FAM117B: variants seen among roughly 807,000 people sequenced by gnomAD.
FAM117B encodes the protein family with sequence similarity 117 member B.
Under a neutral mutation model 52.8 loss-of-function variants are expected in FAM117B, and 22 were observed. That is an observed-to-expected ratio of 0.42 (90% confidence interval 0.30 to 0.59). The LOEUF (loss-of-function observed/expected upper bound fraction) is 0.59, where lower values mean the gene tolerates loss of function less well. Ranked by LOEUF, FAM117B falls within the 20% of genes least tolerant of loss-of-function variation. The probability of loss-of-function intolerance (pLI) is 0.22; values close to 1 mark genes in which losing one functional copy is unlikely to be tolerated. For synonymous variants in FAM117B, 309 were observed against 324.1 expected, an observed-to-expected ratio of 0.95 and a Z score of 0.50; for missense variants, 678 against 802.6, an observed-to-expected ratio of 0.84 and a Z score of 1.88.
At chr2:202,741,541 A>T (rs1691538447) in intron 4 of FAM117B, among the ~76,000 whole-genome samples, 1 of 149,128 alleles carries the variant, frequency 6.7e-6, no homozygotes, top group African/African-American at 2.5e-5. Flanking sequence ...AATGAAAAAA[A>T]ATTTTTTTTT....
intron 1 of FAM117B, among the ~76,000 whole-genome samples, chr2:202,649,664 G>T (rs1159190444): frequency 6.6e-6 from 1 of 151,944 alleles, no homozygotes; most frequent in Admixed American, 6.6e-5. Flanking sequence ...TGATTCTCCT[G>T]TCTCAGCCTC....
In FAM117B at chr2:202,769,275, T is replaced by C. The variant is rs1692035542; in HGVS notation, c.*3511T>C. ...CACTATGTCCAAGACTAGGACTGGG[T>C]TATAAAGATTTTCTTTTGTGAAGGA... On this transcript the variant is annotated 3_prime_UTR_variant, in exon 8 of 8. Transcript: ENST00000392238. 6.6e-6 allele frequency: 1 copy of C among 152,542 alleles called. No homozygotes were observed. The highest frequency in any genetic ancestry group is 2.4e-5 in the African/African-American group (1 of 41,448). The allele number at this position is 152,542 out of a possible 1,614,324, so 9.4% of individuals were successfully genotyped here.
At chr2:202,642,093 C>T (rs1689778719) in intron 1 of FAM117B, among the ~76,000 whole-genome samples, 1 of 150,174 alleles carries the variant, frequency 6.7e-6, no homozygotes, top group Admixed American at 6.6e-5. Flanking sequence ...AGCCGTGTGC[C>T]ACCATGCCCG....
chr2:202,742,885 C>T (rs1691571481), intron 4 of FAM117B, among the ~76,000 whole-genome samples: 3 of 152,222 alleles, frequency 2.0e-5, no homozygotes, highest in Admixed American at 2.0e-4. Flanking sequence ...CCCCCACAAG[C>T]ACCTCTTGGG....
intron 1 of FAM117B, among the ~76,000 whole-genome samples, chr2:202,638,485 C>T (rs957393660): frequency 1.3e-5 from 2 of 152,098 alleles, no homozygotes; most frequent in African/African-American, 4.8e-5. Context: ...CTCCCATGTC[C>T]TCTCTTCATG....
chr2:202,695,741 G>T (rs1189162773), intron 1 of FAM117B, 140 bp from the exon 2 acceptor site: 2 of 791,656 alleles, frequency 2.5e-6, no homozygotes, highest in African/African-American at 1.7e-5. Flanking sequence ...CATCTTTACT[G>T]GGGGTCTTGG....
Position 202,713,811 on chromosome 2 carries a change from A to G in FAM117B, c.754-11106A>G, listed in dbSNP as rs187137157. Reference sequence around the variant, plus strand: ...AACCTCCACCTCCTGGGTTCAAACAATTCTCTTGCCTCAGCCTCCCAAGTA... The same window carrying G: ...AACCTCCACCTCCTGGGTTCAAACAGTTCTCTTGCCTCAGCCTCCCAAGTA... On this transcript the variant is annotated intron_variant, in intron 2 of 7. Transcript: ENST00000392238. 1.3e-3 allele frequency among the ~76,000 whole-genome samples: 193 copies of G among 152,264 alleles called. 1 individual carries two copies. Among genetic ancestry groups the G allele is most frequent in the African/African-American group, 4.4e-3 (183 of 41,554 alleles).
chr2:202,712,944 G>GC (rs1690980574), intron 2 of FAM117B, among the ~76,000 whole-genome samples: 1 of 152,176 alleles, frequency 6.6e-6, no homozygotes, highest in East Asian at 1.9e-4. Context: ...CAGTTTGCTA[G>GC]TATTTTGTTA....
At chr2:202,747,368 C>T (rs984378763) in intron 4 of FAM117B, among the ~76,000 whole-genome samples, 2 of 152,060 alleles carry the variant, frequency 1.3e-5, no homozygotes, top group African/African-American at 4.8e-5. Flanking sequence ...AACTGAAACA[C>T]GACAAGGGTG....
At chr2:202,732,138 GCCTCAGCTTTCCAAAGTGC>G (rs1691362265) in intron 4 of FAM117B, among the ~76,000 whole-genome samples, 1 of 150,580 alleles carries the variant, frequency 6.6e-6, no homozygotes, top group African/African-American at 2.4e-5. Flanking sequence ...TGATCCACCT[GCCTCAGCTTTCCAAAGTGC>G]CGGGATTACA....
intron 7 of FAM117B, among the ~76,000 whole-genome samples, chr2:202,760,416 A>G (rs1021546948): frequency 6.6e-6 from 1 of 152,128 alleles, no homozygotes; most frequent in African/African-American, 2.4e-5. Flanking sequence ...ATCTCCTTTC[A>G]CCGAATTCCA....
At chr2:202,742,031 T>C (rs7581854) in intron 4 of FAM117B, among the ~76,000 whole-genome samples, 75,526 of 152,076 alleles carry the variant, frequency 0.5, 19,377 homozygotes, top group Middle Eastern at 0.63. Context: ...AAGAACACTT[T>C]TGAAAGATAC....
chr2:202,685,590 G>A (rs925708187), intron 1 of FAM117B, among the ~76,000 whole-genome samples: 8 of 152,278 alleles, frequency 5.3e-5, no homozygotes, highest in East Asian at 3.9e-4. Context: ...CTTACATTGC[G>A]TTTGGACAGA....
intron 1 of FAM117B, among the ~76,000 whole-genome samples, chr2:202,668,010 G>T (rs1265728840): frequency 6.7e-6 from 1 of 150,038 alleles, no homozygotes; most frequent in African/African-American, 2.4e-5. Flanking sequence ...ATTGCTTGAG[G>T]CCAGGAGTTT....
chr2:202,672,041 T>C (rs556972070), intron 1 of FAM117B, among the ~76,000 whole-genome samples: 3 of 152,296 alleles, frequency 2.0e-5, no homozygotes, highest in East Asian at 3.9e-4. Flanking sequence ...GCCAGACCAG[T>C]TGCATGGCTG....
At chr2:202,637,827 T>C (rs1689710908) in intron 1 of FAM117B, among the ~76,000 whole-genome samples, 1 of 151,754 alleles carries the variant, frequency 6.6e-6, no homozygotes, top group African/African-American at 2.4e-5. Flanking sequence ...AGATAGAATG[T>C]GGGAAATATA....
intron 7 of FAM117B, among the ~76,000 whole-genome samples, chr2:202,761,125 G>A (rs1691880516): frequency 6.6e-6 from 1 of 152,156 alleles, no homozygotes; most frequent in Non-Finnish European, 1.5e-5. Flanking sequence ...TTGAACTCCT[G>A]GGCTCAAGTG....
At chr2:202,685,398 A>G (rs185647661) in intron 1 of FAM117B, among the ~76,000 whole-genome samples, 74 of 152,350 alleles carry the variant, frequency 4.9e-4, no homozygotes, top group Non-Finnish European at 1.3e-4. Context: ...GGACTGCTTT[A>G]TTATATATAA....
rs1031508022 is a variant in FAM117B, at chr2:202,768,279, T to C, written c.*2515T>C. The C allele has an allele frequency of 1.3e-5, 2 of 152,186 alleles. No homozygotes were observed. The highest frequency in any genetic ancestry group is 4.8e-5 in the African/African-American group (2 of 41,444). 9.4% of individuals were successfully genotyped at this position (152,186 alleles called of 1,614,324 possible). ...TCTAATTCATATCTTTCTGTGGAGT[T>C]TCATATGTCCTTAATCTAAAGTAAC... On this transcript the variant is annotated 3_prime_UTR_variant, in exon 8 of 8. Transcript: ENST00000392238.
Sources: gnomAD v4.1 joint callset for allele counts (sites outside exome capture counted in the v4.1 genomes callset) on GRCh38, gnomAD v4.1.1 for gene constraint, MANE v1.5 for transcripts, NCBI Gene and HGNC (gene_info 2026-07-23, HGNC 2026-07-21) for gene names.